Variants in RSF1 observed in about 807,000 individuals in gnomAD.
The protein encoded by RSF1 is HBV pX-associated protein 8.
RSF1 carries 13 observed loss-of-function variants against 145.2 expected under a neutral mutation model. That is an observed-to-expected ratio of 0.09 (90% confidence interval 0.06 to 0.14). The LOEUF is 0.14. RSF1 is among the 10% of genes least tolerant of loss of function. The probability of loss-of-function intolerance (pLI) is 1.00; values close to 1 mark genes in which losing one functional copy is unlikely to be tolerated. For synonymous variants in RSF1, 577 were observed against 592.6 expected, an observed-to-expected ratio of 0.97 and a Z score of 0.38; for missense variants, 1,517 against 1,718.2, an observed-to-expected ratio of 0.88 and a Z score of 2.07.
the RSF1 span, among the ~76,000 whole-genome samples, chr11:77,869,426 A>G: frequency 1.3e-5 from 2 of 148,556 alleles, no homozygotes; most frequent in African/African-American, 5.0e-5. Context: ...AATCCTCCCA[A>G]CTCAGCTCTC....
upstream of RSF1, among the ~76,000 whole-genome samples, chr11:77,824,190 G>A (rs1026333246): frequency 6.6e-6 from 1 of 152,118 alleles, no homozygotes; most frequent in Non-Finnish European, 1.5e-5. Flanking sequence ...TTGCTTTCCT[G>A]GGCTAAGAGA....
intron 5 of RSF1, among the ~76,000 whole-genome samples, chr11:77,715,799 C>T (rs1960794459): frequency 6.6e-6 from 1 of 151,538 alleles, no homozygotes; most frequent in South Asian, 2.1e-4. Flanking sequence ...TTTTTTGAGA[C>T]AGGGTTTCAC....
intron 7 of RSF1, among the ~76,000 whole-genome samples, chr11:77,693,910 G>A (rs1565150601): frequency 1.3e-5 from 2 of 151,850 alleles, no homozygotes; most frequent in South Asian, 4.1e-4. Context: ...TCAGCCTCCT[G>A]AGTAGCTGGG....
At chr11:77,693,838 G>A (rs189753719) in intron 7 of RSF1, among the ~76,000 whole-genome samples, 4 of 151,726 alleles carry the variant, frequency 2.6e-5, no homozygotes, top group East Asian at 1.9e-4. Context: ...AGGCAGGAGT[G>A]CAGTGGCACA....
intron 12 of RSF1, 123 bp from the exon 13 acceptor site, chr11:77,677,122 A>G (rs950721594): frequency 1.5e-5 from 11 of 737,402 alleles, no homozygotes; most frequent in Non-Finnish European, 2.5e-5. Flanking sequence ...TTTTCTTCCA[A>G]CAAATATGCA....
At chr11:77,844,014 A>G in the RSF1 span, among the ~76,000 whole-genome samples, 1 of 151,504 alleles carries the variant, frequency 6.6e-6, no homozygotes, top group South Asian at 2.1e-4. Context: ...CCATAATTCA[A>G]TCACCTCCCA....
chr11:77,746,510 T>G (rs1279881045), intron 3 of RSF1, among the ~76,000 whole-genome samples: 1 of 152,186 alleles, frequency 6.6e-6, no homozygotes, highest in Non-Finnish European at 1.5e-5. Flanking sequence ...CAAAGAATAT[T>G]TTTTCTCCTC....
At chr11:77,762,541 A>C (rs1054649829) in intron 2 of RSF1, 2 of 151,356 alleles carry the variant, frequency 1.3e-5, no homozygotes, top group African/African-American at 2.5e-5. Context: ...TTTCTATTAC[A>C]GTAGGGCTAA....
intron 1 of RSF1, among the ~76,000 whole-genome samples, chr11:77,802,922 C>T (rs566929463): frequency 7.2e-5 from 11 of 152,266 alleles, no homozygotes; most frequent in African/African-American, 2.6e-4. Flanking sequence ...TCTCCAGTGC[C>T]TCTCACTCCA....
chr11:77,671,893 C>T, intron 15 of RSF1, 149 bp downstream of exon 15: 1 of 659,422 alleles, frequency 1.5e-6, no homozygotes, highest in Non-Finnish European at 2.4e-6. Flanking sequence ...CCTGGCCTCC[C>T]AAACTGCCGG....
the RSF1 span, among the ~76,000 whole-genome samples, chr11:77,869,501 C>CA: frequency 1.7e-5 from 2 of 120,362 alleles, no homozygotes; most frequent in African/African-American, 7.0e-5. Context: ...TTTGTAGAGA[C>CA]ACGGTCGGTC....
chr11:77,751,375 C>T (rs1385054739), intron 2 of RSF1, among the ~76,000 whole-genome samples: 3 of 152,192 alleles, frequency 2.0e-5, no homozygotes, highest in Admixed American at 1.3e-4. Flanking sequence ...CTGGAAAAAC[C>T]CAAGGCTCTC....
chr11:77,716,852 T>C (rs1219750842), intron 5 of RSF1, among the ~76,000 whole-genome samples: 1 of 152,196 alleles, frequency 6.6e-6, no homozygotes, highest in Non-Finnish European at 1.5e-5. Context: ...CATTTCACCA[T>C]AAATATATAC....
upstream of RSF1, among the ~76,000 whole-genome samples, chr11:77,825,275 C>T (rs1003021848): frequency 6.6e-6 from 1 of 151,946 alleles, no homozygotes; most frequent in Non-Finnish European, 1.5e-5. Context: ...AGCCACCAGG[C>T]CTGGCTGCTT....
intron 9 of RSF1, among the ~76,000 whole-genome samples, chr11:77,686,042 T>A (rs765224567): frequency 2.0e-5 from 3 of 152,070 alleles, no homozygotes; most frequent in Non-Finnish European, 4.4e-5. Context: ...AGCCAGGAAA[T>A]ACAGACTTGA....
chr11:77,785,925 CAAAAAAAAA>C (rs10661397), intron 1 of RSF1, among the ~76,000 whole-genome samples: 33 of 37,132 alleles, frequency 8.9e-4, no homozygotes, highest in South Asian at 3.6e-3. Flanking sequence ...GATTCTGTCT[CAAAAAAAAA>C]AAAAAAAAAA....
chr11:77,672,263 A>G, intron 14 of RSF1, 33 bp from the exon 15 acceptor site: 1 of 1,510,824 alleles, frequency 6.6e-7, no homozygotes, highest in East Asian at 2.3e-5. Context: ...AAAGTACAAA[A>G]TTTAAGTCTA....
At chr11:77,765,876 T>C (rs985874957) in intron 1 of RSF1, among the ~76,000 whole-genome samples, 1 of 152,114 alleles carries the variant, frequency 6.6e-6, no homozygotes, top group African/African-American at 2.4e-5. Context: ...GCCTCCCAAG[T>C]AGCTGGAATT....
At chr11:77,854,027 G>A in the RSF1 span, among the ~76,000 whole-genome samples, 24 of 136,310 alleles carry the variant, frequency 1.8e-4, no homozygotes, top group African/African-American at 5.6e-4. Context: ...CTCTCGCTCC[G>A]TTGCCCAGGC....
Sources: gnomAD v4.1 joint callset for allele counts (sites outside exome capture counted in the v4.1 genomes callset) on GRCh38, gnomAD v4.1.1 for gene constraint, MANE v1.5 for transcripts, NCBI Gene and HGNC (gene_info 2026-07-23, HGNC 2026-07-21) for gene names.